The following EGLN2 variants were observed in gnomAD, a reference collection of about 807,000 sequenced individuals.
EGLN2 encodes egl-9 family hypoxia inducible factor 2, also known as prolyl hydroxylase EGLN2.
EGLN2 carries 15 observed loss-of-function variants against 38.2 expected under a neutral mutation model. The observed-to-expected ratio is 0.39, with a 90% CI of 0.26 to 0.60. The LOEUF is 0.60. EGLN2 is among the 20% of genes least tolerant of loss of function. The pLI is 0.50. For missense variants in EGLN2, 492 were observed against 570.4 expected, an observed-to-expected ratio of 0.86 and a Z score of 1.40; for synonymous variants, 284 against 237.4, an observed-to-expected ratio of 1.20 and a Z score of -1.81.
chr19:40,803,424 G>A (rs912069376), intron 2 of EGLN2, among the ~76,000 whole-genome samples: 7 of 152,040 alleles, frequency 4.6e-5, no homozygotes. Context: ...AGGCTGGACT[G>A]AGAACATAGG....
intron 2 of EGLN2, chr19:40,805,759 C>T (rs897516522): frequency 6.6e-6 from 1 of 152,230 alleles, no homozygotes; most frequent in African/African-American, 2.4e-5. Flanking sequence ...TGCAATGAGT[C>T]CTGTTAGATC....
At position 40,799,197 on chromosome 19, in the gene EGLN2, T is replaced by C. The variant is rs887671831; in HGVS notation, c.-300T>C. 6.8e-6 allele frequency: 1 copy of C among 147,532 alleles called. No homozygotes were observed. Among genetic ancestry groups the C allele is most frequent in the Non-Finnish European group, 1.5e-5 (1 of 66,334 alleles). 9.1% of individuals were successfully genotyped at this position (147,532 alleles called of 1,614,324 possible). Reference sequence around the variant, plus strand: ...CGTCGCGCGCGGTGGGGGCGGGGTATGGCGCGCTGTGCGGCGCAGGGCGGC... The same window carrying C: ...CGTCGCGCGCGGTGGGGGCGGGGTACGGCGCGCTGTGCGGCGCAGGGCGGC... On this transcript the variant is annotated 5_prime_UTR_variant, in exon 1 of 6. An upstream start codon of the reference 5' UTR is lost. Coordinates refer to ENST00000303961, the MANE Select transcript of EGLN2 (RefSeq NM_080732.4).
chr19:40,802,803 T>G (rs1245230281), intron 2 of EGLN2, among the ~76,000 whole-genome samples: 1 of 152,246 alleles, frequency 6.6e-6, no homozygotes, highest in Admixed American at 6.5e-5. Context: ...CTCAACACAG[T>G]GATGCCTGGC....
In EGLN2 at chr19:40,800,547, G is replaced by A. The variant is rs1445058754; in HGVS notation, c.-26G>A. Reference sequence around the variant, plus strand: ...CATGGGCCCGGGCGGTGCCCTCCATGCCCGGGGGATGAAGACACTGCTGCC... The same window carrying A: ...CATGGGCCCGGGCGGTGCCCTCCATACCCGGGGGATGAAGACACTGCTGCC... On this transcript the variant is annotated 5_prime_UTR_variant, in exon 2 of 6. An upstream start codon of the reference 5' UTR is lost. Transcript: ENST00000303961. The A allele has an allele frequency of 6.4e-7, 1 of 1,555,050 alleles. No homozygotes were observed. Among genetic ancestry groups the A allele is most frequent in the African/African-American group, 1.3e-5 (1 of 74,164 alleles).
rs749952823 is a variant in EGLN2, at chr19:40,800,816, G to A, written c.244G>A (p.Gly82Arg). ...CAGCCCTCTTCGGGACGGTTTTGGC[G>A]GGCAGGATGGTGGTGAGCTGCGGCC... is the stretch of plus-strand genomic sequence containing the variant. Reference protein sequence around the residue: ...TASPLRDGFGGQDGGELRPLQ... With the variant: ...TASPLRDGFGRQDGGELRPLQ... Residue 82 changes from glycine to arginine, a missense_variant, in exon 2 of 6, where the codon GGG becomes AGG. By Grantham distance (125) the Gly-to-Arg change is moderately radical. This residue lies in a region of EGLN2 where 378 missense variants were observed against 386.2 expected (regional missense o/e 0.98). Transcript: ENST00000303961. 15 of 1,613,248 alleles carry A rather than the reference G, an allele frequency of 9.3e-6. No individual in the cohort carries two copies. The highest frequency in any genetic ancestry group is 8.8e-5 in the South Asian group (8 of 91,050).
rs1391418061 is a variant in EGLN2, at chr19:40,807,212, G to C, written c.1038G>C (p.Arg346=). The part of the protein sequence containing the change: ...VVANIEPLFD[R]LLIFWSDRRN... Reference sequence around the variant, plus strand: ...CCAACATCGAGCCACTCTTTGACCGGTTGCTCATTTTCTGGTCTGACCGGC... The same window carrying C: ...CCAACATCGAGCCACTCTTTGACCGCTTGCTCATTTTCTGGTCTGACCGGC... Residue 346 remains arginine, a synonymous_variant, in exon 4 of 6, where the codon CGG becomes CGC. Coordinates refer to ENST00000303961, the MANE Select transcript of EGLN2 (RefSeq NM_080732.4). 1 of 1,614,202 alleles carries C rather than the reference G, an allele frequency of 6.2e-7. No individual in the cohort carries two copies. Among genetic ancestry groups the C allele is most frequent in the Non-Finnish European group, 8.5e-7 (1 of 1,180,020 alleles).
intron 3 of EGLN2, 36 bp from the exon 4 acceptor site, chr19:40,807,095 TCCTGGCC>T: frequency 6.2e-7 from 1 of 1,608,128 alleles, no homozygotes; most frequent in South Asian, 1.1e-5. Context: ...AGGCAGCGGC[TCCTGGCC>T]GTACCAGCTA....
At chr19:40,801,759 A>G (rs917018925) in intron 2 of EGLN2, among the ~76,000 whole-genome samples, 26 of 149,988 alleles carry the variant, frequency 1.7e-4, no homozygotes, top group African/African-American at 5.9e-4. Context: ...AGGGAAGGTC[A>G]GCAGATAAAC....
intron 3 of EGLN2, 189 bp downstream of exon 3, chr19:40,806,863 G>A (rs935990145): frequency 4.1e-6 from 4 of 964,586 alleles, no homozygotes; most frequent in East Asian, 2.6e-5. Flanking sequence ...CTAGCGGACT[G>A]TGTGGTGGGA....
Position 40,800,787 on chromosome 19 carries a change from C to G in EGLN2, c.215C>G (p.Thr72Ser). Residue 72 changes from threonine to serine, a missense_variant, in exon 2 of 6, where the codon ACT (threonine) becomes AGT (serine). Coordinates refer to ENST00000303961, the MANE Select transcript of EGLN2 (RefSeq NM_080732.4). ...GTPRATATSTTASPLRDGFGG... is the reference protein window; with the variant it reads ...GTPRATATSTSASPLRDGFGG... ...CCCAGAGCCACAGCCACCTCTACCA[C>G]TGCCAGCCCTCTTCGGGACGGTTTT... 2 of 1,613,566 alleles carry G rather than the reference C, an allele frequency of 1.2e-6. No homozygotes were observed. Among genetic ancestry groups the G allele is most frequent in the Middle Eastern group, 1.7e-4 (1 of 6,056 alleles).
At chr19:40,803,432 A>G (rs1012839468) in intron 2 of EGLN2, among the ~76,000 whole-genome samples, 6 of 152,022 alleles carry the variant, frequency 3.9e-5, no homozygotes, top group Non-Finnish European at 7.4e-5. Context: ...CTGAGAACAT[A>G]GGGGAGGAGC....
rs1171883592 is a variant in EGLN2 at position 40,806,909 on chromosome 19, GCCCCAC to G, written c.964-226_964-221del. 3.3e-6 allele frequency: 3 copies of G among 908,614 alleles called. No homozygotes were observed. In the East Asian group the frequency reaches 8.0e-5, roughly 24 times the overall value. 56.3% of individuals were successfully genotyped at this position (908,614 alleles called of 1,614,324 possible). A position where few individuals can be genotyped will look rare whatever the true frequency, so the allele number is the denominator to read the frequency against. ...TTCCGGGAATGGTGCTGTCTGCCCA[GCCCCAC>G]CCGGCCTTGTAATGAACACTTTCCC... On this transcript the variant is annotated intron_variant, in intron 3 of 5. Transcript: ENST00000303961.
At chr19:40,799,890 CTGTCTT>C (rs1216376528) in intron 1 of EGLN2, 1 of 55,768 alleles carries the variant, frequency 1.8e-5, no homozygotes, top group Non-Finnish European at 4.8e-5. Context: ...CCAGTTTCCT[CTGTCTT>C]TTGACCCCCC....
At chr19:40,799,699 TC>T (rs1051080180) in intron 1 of EGLN2, 6 of 152,102 alleles carry the variant, frequency 3.9e-5, no homozygotes, top group Non-Finnish European at 8.8e-5. Context: ...CGAGGGCCCC[TC>T]CCGTCGGTCA....
Position 40,800,548 on chromosome 19 carries a change from C to T in EGLN2, c.-25C>T. On this transcript the variant is annotated 5_prime_UTR_variant, in exon 2 of 6. Coordinates refer to ENST00000303961, the MANE Select transcript of EGLN2 (RefSeq NM_080732.4). ...ATGGGCCCGGGCGGTGCCCTCCATGCCCGGGGGATGAAGACACTGCTGCCA... is the reference window on the plus strand; with the variant it reads ...ATGGGCCCGGGCGGTGCCCTCCATGTCCGGGGGATGAAGACACTGCTGCCA... 2 of 1,555,270 alleles carry T rather than the reference C, an allele frequency of 1.3e-6. No homozygotes were observed. The highest frequency in any genetic ancestry group is 1.7e-6 in the Non-Finnish European group (2 of 1,149,656).
In EGLN2 at chr19:40,800,617, T is replaced by G. The variant is rs888763484; in HGVS notation, c.45T>G (p.Pro15=). The G allele has an allele frequency of 1.6e-5, 26 of 1,612,958 alleles. No individual in the cohort carries two copies. The highest frequency in any genetic ancestry group is 2.1e-5 in the Non-Finnish European group (25 of 1,179,644). The change falls in exon 2 of 6, where the codon CCT becomes CCG. Residue 15 remains proline (P), a synonymous_variant. Transcript: ENST00000303961. ...CGCAGCCCCTAAGTCAGGCTCTCCC[T>G]CAGTTACCAGGGTCTTCGTCAGAGC... ...CQPQPLSQAL[P]QLPGSSSEPL...
chr19:40,801,563 TGGGGACTTGG>T, intron 2 of EGLN2, 148 bp downstream of exon 2: 2 of 1,122,474 alleles, frequency 1.8e-6, no homozygotes, highest in Non-Finnish European at 2.5e-6. Flanking sequence ...TGCTTACTTG[TGGGGACTTGG>T]GGGGGTCTTT....
At position 40,807,984 on chromosome 19, in the gene EGLN2, G is replaced by A; in HGVS notation, c.*120G>A. ...TTCTGACTTTGCCTCTGTCCTGCCT[G>A]GTGTGGAGGGCTCTGTCTGTTGCTG... is the stretch of plus-strand genomic sequence containing the variant. On this transcript the variant is annotated 3_prime_UTR_variant, in exon 6 of 6. Coordinates refer to ENST00000303961, the MANE Select transcript of EGLN2 (RefSeq NM_080732.4). The A allele has an allele frequency of 1.0e-6, 1 of 953,096 alleles. No individual in the cohort carries two copies. Among genetic ancestry groups the A allele is most frequent in the South Asian group, 1.5e-5 (1 of 68,634 alleles). The allele number at this position is 953,096 out of a possible 1,614,324, so 59.0% of individuals were successfully genotyped here.
At chr19:40,802,422 C>G (rs534518180) in intron 2 of EGLN2, among the ~76,000 whole-genome samples, 1 of 152,334 alleles carries the variant, frequency 6.6e-6, no homozygotes, top group East Asian at 1.9e-4. Flanking sequence ...GTGTCACTTC[C>G]TCCCTACCCA....
Sources: allele counts gnomAD v4.1 joint callset (sites outside exome capture counted in the v4.1 genomes callset), GRCh38; gene constraint gnomAD v4.1.1; regional missense constraint gnomAD v4.1.1; transcripts MANE v1.5; gene names NCBI Gene and HGNC (gene_info 2026-07-23, HGNC 2026-07-21).